Variants in TEX11 observed in about 807,000 individuals in gnomAD.
The protein encoded by TEX11 is testis-expressed protein 11.
Under a neutral mutation model 84.4 loss-of-function variants are expected in TEX11, and 7 were observed. The observed-to-expected ratio is 0.08, with a 90% CI of 0.05 to 0.16. TEX11 has a LOEUF of 0.16. TEX11 is among the 10% of genes least tolerant of loss of function. TEX11 has a pLI of 1.00. For missense variants in TEX11, 551 were observed against 660.5 expected (o/e 0.83, Z 1.82); for synonymous variants, 264 against 222.8 (o/e 1.18, Z -1.64).
chrX:70,599,688 G>A (rs1249202478), intron 24 of TEX11, among the ~76,000 whole-genome samples: 9 of 69,153 alleles, frequency 1.3e-4, no homozygotes, highest in African/African-American at 5.6e-4. Context: ...CCCCACAACA[G>A]TCCCCAGAGT....
intron 9 of TEX11, 21 bp downstream of exon 9, chrX:70,806,684 T>A: frequency 9.7e-7 from 1 of 1,033,519 alleles, no homozygotes; most frequent in Non-Finnish European, 1.3e-6. Flanking sequence ...GAGTTTACAT[T>A]CAGTTTTTTG....
intron 12 of TEX11, 108 bp downstream of exon 12, chrX:70,725,154 A>G: frequency 2.4e-6 from 1 of 421,095 alleles, no homozygotes; most frequent in Non-Finnish European, 3.8e-6. Flanking sequence ...TTTCCTTCTC[A>G]GCCACCATCA....
At chrX:70,622,461 A>T (rs1721873770) in intron 20 of TEX11, among the ~76,000 whole-genome samples, 1 of 112,048 alleles carries the variant, frequency 8.9e-6, no homozygotes. Context: ...TGCCACAATT[A>T]TGAGAAATAT....
At chrX:70,901,543 A>G (rs967105290) in intron 2 of TEX11, among the ~76,000 whole-genome samples, 1 of 111,935 alleles carries the variant, frequency 8.9e-6, no homozygotes, top group African/African-American at 3.2e-5. Flanking sequence ...CCTCAGATCA[A>G]CAGGCATTAG....
intron 15 of TEX11, among the ~76,000 whole-genome samples, chrX:70,674,946 T>TA (rs1172220011): frequency 9.0e-5 from 10 of 110,953 alleles, no homozygotes; most frequent in East Asian, 5.6e-4. Flanking sequence ...ATCTCATTTT[T>TA]AAAAAAAACT....
chrX:70,609,589 C>T (rs1284559899), intron 21 of TEX11, among the ~76,000 whole-genome samples: 1 of 112,392 alleles, frequency 8.9e-6, no homozygotes, highest in Non-Finnish European at 1.9e-5. Flanking sequence ...CCAGAATGTG[C>T]TATCACTATC....
intron 16 of TEX11, among the ~76,000 whole-genome samples, chrX:70,655,718 G>A (rs1355663106): frequency 9.0e-6 from 1 of 111,107 alleles, no homozygotes; most frequent in Non-Finnish European, 1.9e-5. Context: ...TTCAGAGAGA[G>A]CATAGCTTTA....
rs144164714 is a variant in TEX11 at position 70,825,351 on chromosome X, A to G, written c.606+8162T>C. The stretch of plus-strand genomic sequence containing the variant: ...TATACACATATATTTATATATATGT[A>G]TATATATATATTGTTCAATAAAAAA... On this transcript the variant is annotated intron_variant, in intron 8 of 29. Transcript: ENST00000374333. 8.0e-3 allele frequency among the ~76,000 whole-genome samples: 857 copies of G among 107,671 alleles called. 7 individuals are homozygous for G. The highest frequency in any genetic ancestry group is 0.027 in the South Asian group (67 of 2,502). The allele number at this position is 107,671 out of a possible 115,157, so 93.5% of individuals were successfully genotyped here. A position where few individuals can be genotyped will look rare whatever the true frequency, so the allele number is the denominator to read the frequency against.
At chrX:70,519,435 T>C in the TEX11 span, among the ~76,000 whole-genome samples, 1 of 112,342 alleles carries the variant, frequency 8.9e-6, no homozygotes, top group African/African-American at 3.2e-5. Context: ...ATGTTGAATA[T>C]TGGCCCCCAC....
At chrX:70,595,527 G>C (rs980055950) in intron 24 of TEX11, among the ~76,000 whole-genome samples, 1 of 111,431 alleles carries the variant, frequency 9.0e-6, no homozygotes. Context: ...AATAGGAATA[G>C]CATTTCTATA....
intron 16 of TEX11, among the ~76,000 whole-genome samples, chrX:70,665,730 C>T (rs192519310): frequency 6.7e-4 from 75 of 111,863 alleles, no homozygotes; most frequent in African/African-American, 2.2e-3. Context: ...CTCCATTGGC[C>T]TGCCCAAATT....
chrX:70,776,468 T>C (rs2091002898), intron 9 of TEX11, among the ~76,000 whole-genome samples: 1 of 107,658 alleles, frequency 9.3e-6, no homozygotes, highest in Non-Finnish European at 1.9e-5. Context: ...GAGGCTGAGA[T>C]GGGAGAATCA....
At chrX:70,842,541 C>A (rs774296970) in intron 7 of TEX11, among the ~76,000 whole-genome samples, 21 of 111,736 alleles carry the variant, frequency 1.9e-4, no homozygotes, top group East Asian at 5.6e-4. Context: ...AATGGGCAAA[C>A]ACTGGAAGCA....
chrX:70,722,026 A>G (rs905063204), intron 13 of TEX11, among the ~76,000 whole-genome samples: 2 of 112,139 alleles, frequency 1.8e-5, no homozygotes, highest in African/African-American at 6.5e-5. Flanking sequence ...TCTTAACCAT[A>G]AAAGTGGAGG....
intron 9 of TEX11, among the ~76,000 whole-genome samples, chrX:70,745,122 C>G (rs73542992): frequency 1.8e-5 from 2 of 110,167 alleles, no homozygotes; most frequent in Non-Finnish European, 3.8e-5. Flanking sequence ...CTCCATTTTG[C>G]GGCTGACTAA....
At chrX:70,597,514 A>C (rs1042248374) in intron 24 of TEX11, among the ~76,000 whole-genome samples, 1 of 112,037 alleles carries the variant, frequency 8.9e-6, no homozygotes, top group African/African-American at 3.2e-5. Flanking sequence ...AAGATAATTC[A>C]AGGGGAAAAA....
At chrX:70,730,467 G>C (rs2090638185) in intron 11 of TEX11, among the ~76,000 whole-genome samples, 1 of 111,530 alleles carries the variant, frequency 9.0e-6, no homozygotes, top group Non-Finnish European at 1.9e-5. Flanking sequence ...GATCTACCAA[G>C]CAAATGGAAA....
At chrX:70,863,572 T>C (rs1052826164) in intron 4 of TEX11, among the ~76,000 whole-genome samples, 2 of 111,282 alleles carry the variant, frequency 1.8e-5, no homozygotes, top group Admixed American at 1.9e-4. Context: ...CATCCAAAGA[T>C]CATCAGCCTC....
chrX:70,890,656 G>A (rs2091732630), intron 2 of TEX11, among the ~76,000 whole-genome samples: 1 of 112,250 alleles, frequency 8.9e-6, no homozygotes, highest in Non-Finnish European at 1.9e-5. Context: ...AGGGGGAGGG[G>A]GGTCTGCCAT....
Sources: gnomAD v4.1 joint callset for allele counts (sites outside exome capture counted in the v4.1 genomes callset) on GRCh38, gnomAD v4.1.1 for gene constraint, MANE v1.5 for transcripts, NCBI Gene and HGNC (gene_info 2026-07-23, HGNC 2026-07-21) for gene names.